The following FAM114A1 variants were observed in gnomAD, a reference collection of about 807,000 sequenced individuals.
The protein encoded by FAM114A1 is protein NOXP20.
FAM114A1 carries 62 observed loss-of-function variants against 64.3 expected under a neutral mutation model. That is an observed-to-expected ratio of 0.96 (90% CI 0.79 to 1.19). The LOEUF is 1.19. Ranked by LOEUF, FAM114A1 falls within the 50% of genes most tolerant of loss-of-function variation. FAM114A1 has a pLI of 0.00. For missense variants in FAM114A1, 645 were observed against 676.3 expected (o/e 0.95, Z 0.51); for synonymous variants, 254 against 251.1 (o/e 1.01, Z -0.11).
At chr4:38,919,616 G>A (rs1222820171) in intron 8 of FAM114A1, among the ~76,000 whole-genome samples, 5 of 152,332 alleles carry the variant, frequency 3.3e-5, no homozygotes, top group Non-Finnish European at 5.9e-5. Context: ...CTGTGTTGAA[G>A]CCTAAAGGCA....
Position 38,900,221 on chromosome 4 carries a change from A to AT in FAM114A1, c.437-5297dup, listed in dbSNP as rs201062896. On this transcript the variant is annotated intron_variant, in intron 4 of 14. Coordinates refer to ENST00000358869, the MANE Select transcript of FAM114A1 (RefSeq NM_138389.4). ...ATATTTCAGTATAAGAATGACGATT[A>AT]TTTTAAAAAAAAAAAACAGAAAATA... is the stretch of plus-strand genomic sequence containing the variant. 1.3e-4 allele frequency among the ~76,000 whole-genome samples: 14 copies of AT among 111,758 alleles called. 1 individual carries two copies. In the South Asian group the frequency reaches 2.3e-3, roughly 18 times the overall value. The allele number at this position is 111,758 out of a possible 152,430, so 73.3% of individuals were successfully genotyped here.
intron 4 of FAM114A1, among the ~76,000 whole-genome samples, chr4:38,905,048 T>G (rs1717851910): frequency 6.6e-6 from 1 of 152,060 alleles, no homozygotes; most frequent in Admixed American, 6.6e-5. Context: ...GAAACTGAGC[T>G]CATATTGGAA....
rs577366890 is a variant in FAM114A1, at chr4:38,929,342, T to C, written c.1161+9T>C. On this transcript the variant is annotated intron_variant, in intron 10 of 14. Transcript: ENST00000358869. Reference sequence around the variant, plus strand: ...CTGACAAACTCAATAAGGTCAGCACTGTCTGATTTATAGTTTCTGGTTAAA... The same window carrying C: ...CTGACAAACTCAATAAGGTCAGCACCGTCTGATTTATAGTTTCTGGTTAAA... 9 of 1,599,348 alleles carry C rather than the reference T, an allele frequency of 5.6e-6. No homozygotes were observed. The East Asian group carries it at 1.1e-4, about 20-fold the overall frequency.
chr4:38,912,501 C>A (rs1215455346), intron 7 of FAM114A1, among the ~76,000 whole-genome samples: 1 of 152,194 alleles, frequency 6.6e-6, no homozygotes, highest in Non-Finnish European at 1.5e-5. Context: ...TCTCCTGCCT[C>A]CCTCCTGAAT....
chr4:38,892,857 C>T (rs559431195), intron 4 of FAM114A1, among the ~76,000 whole-genome samples: 2 of 152,302 alleles, frequency 1.3e-5, no homozygotes, highest in African/African-American at 4.8e-5. Flanking sequence ...GTGTTAAGGG[C>T]CAGATATCTA....
chr4:38,913,967 GC>G (rs947417309), intron 7 of FAM114A1, among the ~76,000 whole-genome samples: 1 of 151,882 alleles, frequency 6.6e-6, no homozygotes, highest in Non-Finnish European at 1.5e-5. Context: ...GGCTGTGGTG[GC>G]GGGTGCCTGT....
intron 2 of FAM114A1, 147 bp downstream of exon 2, chr4:38,868,693 G>A (rs1268350919): frequency 3.3e-5 from 5 of 152,382 alleles, no homozygotes; most frequent in African/African-American, 1.2e-4. Flanking sequence ...GAAGGACACA[G>A]GCAGGTGGCT....
At chr4:38,939,883 TTTC>T (rs1018242894) in intron 13 of FAM114A1, among the ~76,000 whole-genome samples, 2 of 122,976 alleles carry the variant, frequency 1.6e-5, no homozygotes, top group African/African-American at 8.0e-5. Context: ...TTTCACTTTC[TTTC>T]TTTTTTTTTT....
chr4:38,876,779 T>C (rs949519780), intron 2 of FAM114A1, among the ~76,000 whole-genome samples: 1 of 152,106 alleles, frequency 6.6e-6, no homozygotes, highest in Non-Finnish European at 1.5e-5. Context: ...CCTTCTAGAG[T>C]CTTTGAGGGG....
chr4:38,905,410 A>AG (rs1717893493), intron 4 of FAM114A1, 112 bp from the exon 5 acceptor site: 1 of 825,890 alleles, frequency 1.2e-6, no homozygotes, highest in African/African-American at 1.7e-5. Flanking sequence ...TAAAAAAAAA[A>AG]AAAAAGAAAG....
Position 38,931,611 on chromosome 4 carries a change from A to C in FAM114A1, c.1322A>C (p.Glu441Ala), listed in dbSNP as rs1160047662. The change falls in exon 11 of 15, where the codon GAG becomes GCG. Residue 441 changes from glutamate to alanine, a missense_variant and splice_region_variant. Glu to Ala is a moderately radical substitution (Grantham distance 107). Coordinates refer to ENST00000358869, the MANE Select transcript of FAM114A1 (RefSeq NM_138389.4). ...KKEEKKTKTI[E>A]EVYMSSIESL... is the part of the protein sequence containing the mutation. ...GAGGAAAAGAAAACTAAGACCATAG[A>C]GGTAAATTCATTCTAGATTGTCTGC... 7 of 1,610,652 alleles carry C rather than the reference A, an allele frequency of 4.3e-6. No homozygotes were observed. The East Asian group carries it at 1.3e-4, about 31-fold the overall frequency.
chr4:38,883,317 A>G (rs1474124498), intron 3 of FAM114A1, among the ~76,000 whole-genome samples: 1 of 152,220 alleles, frequency 6.6e-6, no homozygotes, highest in Non-Finnish European at 1.5e-5. Flanking sequence ...GAATCAGAGA[A>G]GTCTTCAGCC....
At chr4:38,934,468 T>C (rs1271546551) in intron 12 of FAM114A1, among the ~76,000 whole-genome samples, 1 of 152,196 alleles carries the variant, frequency 6.6e-6, no homozygotes, top group African/African-American at 2.4e-5. Flanking sequence ...AGATAAGGCC[T>C]CTTTTATCAA....
intron 4 of FAM114A1, among the ~76,000 whole-genome samples, chr4:38,895,610 C>T (rs1716852974): frequency 6.6e-6 from 1 of 152,192 alleles, no homozygotes; most frequent in South Asian, 2.1e-4. Flanking sequence ...GTGTATACAT[C>T]TGGGGACAAG....
chr4:38,913,850 C>T (rs921713190), intron 7 of FAM114A1, among the ~76,000 whole-genome samples: 2 of 151,942 alleles, frequency 1.3e-5, no homozygotes, highest in African/African-American at 4.8e-5. Context: ...GTGATCCCAG[C>T]GCTTTTGGAG....
At chr4:38,897,394 C>T (rs1309390395) in intron 4 of FAM114A1, among the ~76,000 whole-genome samples, 1 of 152,148 alleles carries the variant, frequency 6.6e-6, no homozygotes, top group East Asian at 1.9e-4. Flanking sequence ...GAAATTATGT[C>T]TACTCTATTT....
intron 8 of FAM114A1, among the ~76,000 whole-genome samples, chr4:38,922,076 G>C (rs1324910855): frequency 6.6e-6 from 1 of 152,058 alleles, no homozygotes; most frequent in Non-Finnish European, 1.5e-5. Flanking sequence ...TGAGTAGCTG[G>C]GATTACAGGC....
At position 38,878,243 on chromosome 4, in the gene FAM114A1, T is replaced by C. The variant is rs1325374502; in HGVS notation, c.165T>C (p.Asn55=). The change falls in exon 3 of 15, where the codon AAT becomes AAC. Residue 55 remains asparagine, a synonymous_variant. Transcript: ENST00000358869. ...PADPRGEGHE[N]AAVQGAGAAA... Reference sequence around the variant, plus strand: ...ACCCCAGAGGGGAGGGGCATGAAAATGCAGCTGTGCAGGGTGCAGGGGCTG... The same window carrying C: ...ACCCCAGAGGGGAGGGGCATGAAAACGCAGCTGTGCAGGGTGCAGGGGCTG... The C allele has an allele frequency of 6.2e-7, 1 of 1,614,082 alleles. No homozygotes were observed. Among genetic ancestry groups the C allele is most frequent in the African/African-American group, 1.3e-5 (1 of 74,930 alleles).
intron 4 of FAM114A1, among the ~76,000 whole-genome samples, chr4:38,899,152 G>C (rs1717264934): frequency 6.6e-6 from 1 of 151,922 alleles, no homozygotes; most frequent in Non-Finnish European, 1.5e-5. Flanking sequence ...CAGAAATTGT[G>C]TGCTGGAGTT....
Sources: allele counts gnomAD v4.1 joint callset (sites outside exome capture counted in the v4.1 genomes callset), GRCh38; gene constraint gnomAD v4.1.1; transcripts MANE v1.5; gene names NCBI Gene and HGNC (gene_info 2026-07-23, HGNC 2026-07-21).